ROBO1: variants seen among roughly 807,000 people sequenced by gnomAD.
The protein encoded by ROBO1 is roundabout homolog 1.
ROBO1 carries 149 observed loss-of-function variants against 195.9 expected under a neutral mutation model. The ratio of observed to expected loss-of-function variants is 0.76; its 90% CI spans 0.67 to 0.87. The LOEUF is 0.87. Ranked by LOEUF, ROBO1 falls within the 40% of genes least tolerant of loss-of-function variation. The probability of loss-of-function intolerance (pLI) is 0.00; values close to 1 mark genes in which losing one functional copy is unlikely to be tolerated. For synonymous variants in ROBO1, 816 were observed against 733.2 expected, an observed-to-expected ratio of 1.11 and a Z score of -1.82; for missense variants, 1,933 against 2,068.3, an observed-to-expected ratio of 0.93 and a Z score of 1.27.
At chr3:78,981,078 A>G (rs2076980523) in intron 3 of ROBO1, among the ~76,000 whole-genome samples, 1 of 152,160 alleles carries the variant, frequency 6.6e-6, no homozygotes, top group African/African-American at 2.4e-5. Flanking sequence ...CATTATAGAA[A>G]TGAGAAAACT....
intron 3 of ROBO1, among the ~76,000 whole-genome samples, chr3:78,986,899 C>T (rs576692588): frequency 6.6e-6 from 1 of 152,192 alleles, no homozygotes; most frequent in African/African-American, 2.4e-5. Flanking sequence ...AACTATTGTT[C>T]AGTAGGGCTG....
Position 78,635,901 on chromosome 3 carries a change from T to A in ROBO1, c.3245A>T (p.Asn1082Ile). ...PYATTQLIQS[N>I]LSNNMNNGSG... The stretch of plus-strand genomic sequence containing the variant: ...GCCATTGTTCATGTTGTTGCTGAGG[T>A]TTGACTGGATGAGCTGAGTGGTGGC... Residue 1082 changes from asparagine (N) to isoleucine (I), a missense_variant, in exon 23 of 31, where the codon AAC becomes ATC. Around this residue, in one of 3 missense-constraint regions of ROBO1, gnomAD observed 1,737 missense variants for 1,882.5 expected, o/e 0.92. Transcript: ENST00000464233. 1 of 1,613,872 alleles carries A rather than the reference T, an allele frequency of 6.2e-7. No individual in the cohort carries two copies. Among genetic ancestry groups the A allele is most frequent in the Non-Finnish European group, 8.5e-7 (1 of 1,179,822 alleles).
chr3:78,661,264 A>C lies in ROBO1; in HGVS notation c.2089-3T>G. The stretch of plus-strand genomic sequence containing the variant: ...ATATACTGAGACTGTTGATCTACCT[A>C]TTAAAAAGACAAGTAAAATGTAATT... On this transcript the variant is annotated splice_polypyrimidine_tract_variant and splice_region_variant and intron_variant, in intron 15 of 30. Coordinates refer to ENST00000464233, the MANE Select transcript of ROBO1 (RefSeq NM_002941.4). The C allele has an allele frequency of 6.8e-7, 1 of 1,475,372 alleles. No individual in the cohort carries two copies. The highest frequency in any genetic ancestry group is 9.2e-7 in the Non-Finnish European group (1 of 1,090,720). 91.4% of individuals were successfully genotyped at this position (1,475,372 alleles called of 1,614,324 possible).
chr3:79,059,605 A>C (rs753323051), intron 3 of ROBO1, among the ~76,000 whole-genome samples: 1 of 152,074 alleles, frequency 6.6e-6, no homozygotes, highest in Non-Finnish European at 1.5e-5. Flanking sequence ...GACATTCATT[A>C]GTTCCCCCAA....
chr3:79,194,448 T>G (rs764487816), intron 2 of ROBO1, among the ~76,000 whole-genome samples: 1 of 151,668 alleles, frequency 6.6e-6, no homozygotes, highest in Non-Finnish European at 1.5e-5. Context: ...GACGTCACTT[T>G]TTAATGCTAT....
At chr3:79,642,486 A>G (rs1037086311) in intron 1 of ROBO1, among the ~76,000 whole-genome samples, 15 of 152,162 alleles carry the variant, frequency 9.9e-5, no homozygotes, top group African/African-American at 3.4e-4. Context: ...AAAACTCTCA[A>G]AGGTCAAGGA....
intron 4 of ROBO1, among the ~76,000 whole-genome samples, chr3:78,887,182 T>C (rs1166139223): frequency 2.0e-5 from 3 of 152,214 alleles, no homozygotes; most frequent in Admixed American, 6.6e-5. Context: ...AGGAAAGACA[T>C]GAGAAACATA....
chr3:78,957,137 T>G (rs2041086212), intron 3 of ROBO1, among the ~76,000 whole-genome samples: 1 of 152,176 alleles, frequency 6.6e-6, no homozygotes, highest in African/African-American at 2.4e-5. Flanking sequence ...TAAAATCTTT[T>G]ATTTTAGAAG....
chr3:78,954,040 A>C (rs1408878425), intron 3 of ROBO1, among the ~76,000 whole-genome samples: 1 of 152,040 alleles, frequency 6.6e-6, no homozygotes, highest in African/African-American at 2.4e-5. Context: ...ACTGAAAATA[A>C]AGCTAAATCT....
At chr3:79,419,420 C>T (rs140455065) in intron 2 of ROBO1, among the ~76,000 whole-genome samples, 127 of 152,126 alleles carry the variant, frequency 8.3e-4, no homozygotes, top group African/African-American at 2.9e-3. Context: ...TAAGCAGAGC[C>T]GTGGGTTGTG....
intron 2 of ROBO1, among the ~76,000 whole-genome samples, chr3:79,463,113 C>T (rs1277741733): frequency 6.6e-6 from 1 of 152,190 alleles, no homozygotes; most frequent in Non-Finnish European, 1.5e-5. Flanking sequence ...GTGGCTCACG[C>T]CTGTAATCCC....
chr3:78,731,227 G>C (rs1306066635), intron 5 of ROBO1, among the ~76,000 whole-genome samples: 2 of 152,048 alleles, frequency 1.3e-5, no homozygotes, highest in African/African-American at 4.8e-5. Flanking sequence ...AATACAAACG[G>C]TATTAATTGT....
chr3:79,102,177 G>A (rs544625119), intron 3 of ROBO1, among the ~76,000 whole-genome samples: 59 of 151,722 alleles, frequency 3.9e-4, no homozygotes, highest in African/African-American at 1.3e-3. Context: ...AATAGCATAC[G>A]ATGTTTATTG....
intron 2 of ROBO1, among the ~76,000 whole-genome samples, chr3:79,346,746 T>C (rs999772369): frequency 6.6e-6 from 1 of 151,998 alleles, no homozygotes; most frequent in Non-Finnish European, 1.5e-5. Flanking sequence ...CACAAATTTG[T>C]TCACCATCTC....
chr3:78,648,190 C>T (rs1437434215), intron 19 of ROBO1, among the ~76,000 whole-genome samples: 1 of 151,758 alleles, frequency 6.6e-6, no homozygotes, highest in Non-Finnish European at 1.5e-5. Context: ...ACAAACACAA[C>T]ACAAGTAAAG....
chr3:79,606,454 T>A (rs1560032237), intron 1 of ROBO1, among the ~76,000 whole-genome samples: 1 of 151,950 alleles, frequency 6.6e-6, no homozygotes, highest in Admixed American at 6.6e-5. Context: ...TTTTCTTAAT[T>A]TTTTTTAGAG....
intron 12 of ROBO1, 39 bp from the exon 13 acceptor site, chr3:78,668,341 C>T: frequency 1.2e-6 from 2 of 1,609,268 alleles, no homozygotes; most frequent in South Asian, 1.1e-5. Context: ...AAGATGTTTA[C>T]ACATACACAG....
intron 1 of ROBO1, among the ~76,000 whole-genome samples, chr3:79,654,284 AAAT>A (rs1946096880): frequency 6.6e-6 from 1 of 152,022 alleles, no homozygotes; most frequent in African/African-American, 2.4e-5. Flanking sequence ...ACAAACTACA[AAAT>A]AAAACACTTA....
chr3:78,647,524 C>A (rs1232360264), intron 20 of ROBO1, 105 bp downstream of exon 20: 2 of 1,104,874 alleles, frequency 1.8e-6, no homozygotes, highest in Non-Finnish European at 2.8e-6. Flanking sequence ...ACTTTAAGTT[C>A]TTTCCCCCAA....
Sources: gnomAD v4.1 joint callset for allele counts (sites outside exome capture counted in the v4.1 genomes callset) on GRCh38, gnomAD v4.1.1 for gene constraint, gnomAD v4.1.1 regional missense constraint, MANE v1.5 for transcripts, NCBI Gene and HGNC (gene_info 2026-07-23, HGNC 2026-07-21) for gene names.